The following DSCAM variants were observed in gnomAD, a reference collection of about 807,000 sequenced individuals.
DSCAM encodes the protein cell adhesion molecule DSCAM.
DSCAM carries 47 observed loss-of-function variants against 217.7 expected under a neutral mutation model. The ratio of observed to expected loss-of-function variants is 0.22; its 90% CI spans 0.17 to 0.28. The LOEUF is 0.28. Among genes scored for constraint, DSCAM ranks in the 10% least tolerant of loss-of-function variants. The pLI is 1.00. For missense variants in DSCAM, 2,080 were observed against 2,618.3 expected, an observed-to-expected ratio of 0.79 and a Z score of 4.49; for synonymous variants, 1,056 against 1,015.3, an observed-to-expected ratio of 1.04 and a Z score of -0.76.
chr21:40,397,977 A>C (rs1437664243), intron 3 of DSCAM, among the ~76,000 whole-genome samples: 1 of 152,166 alleles, frequency 6.6e-6, no homozygotes, highest in East Asian at 1.9e-4. Flanking sequence ...CACTAGTTCT[A>C]CCACTACTCT....
chr21:40,091,135 G>T (rs2089603599), intron 21 of DSCAM, among the ~76,000 whole-genome samples: 1 of 152,098 alleles, frequency 6.6e-6, no homozygotes, highest in African/African-American at 2.4e-5. Flanking sequence ...GAGGTAAATG[G>T]CAACTCTCTG....
chr21:40,187,492 A>G (rs1184759927), intron 13 of DSCAM, among the ~76,000 whole-genome samples: 1 of 152,232 alleles, frequency 6.6e-6, no homozygotes, highest in Non-Finnish European at 1.5e-5. Flanking sequence ...CCTGGAGGAT[A>G]TAAAATGTCA....
At chr21:40,663,095 T>A (rs1303966689) in intron 3 of DSCAM, among the ~76,000 whole-genome samples, 1 of 150,774 alleles carries the variant, frequency 6.6e-6, no homozygotes, top group Non-Finnish European at 1.5e-5. Flanking sequence ...GTAGTATGTA[T>A]GTGTGTGGTG....
chr21:40,738,773 G>A (rs573461238), intron 1 of DSCAM, among the ~76,000 whole-genome samples: 1 of 152,330 alleles, frequency 6.6e-6, no homozygotes, highest in African/African-American at 2.4e-5. Context: ...CACACTTGGA[G>A]AAGCAAAGTC....
At chr21:40,132,845 G>A (rs2090167761) in intron 19 of DSCAM, among the ~76,000 whole-genome samples, 1 of 152,154 alleles carries the variant, frequency 6.6e-6, no homozygotes, top group South Asian at 2.1e-4. Flanking sequence ...TGGAATAACA[G>A]CATTTTTGAT....
At chr21:40,392,032 G>A (rs192904415) in intron 3 of DSCAM, among the ~76,000 whole-genome samples, 1 of 152,250 alleles carries the variant, frequency 6.6e-6, no homozygotes, top group East Asian at 1.9e-4. Context: ...TCTTCATAAG[G>A]TAGTTGCCTT....
intron 27 of DSCAM, 81 bp downstream of exon 27, chr21:40,074,954 GTT>G: frequency 1.4e-6 from 2 of 1,451,274 alleles, no homozygotes; most frequent in Non-Finnish European, 1.9e-6. Flanking sequence ...CCCTTTTGAG[GTT>G]TGTTCTCCAG....
At chr21:40,076,303 C>T (rs552327095) in intron 26 of DSCAM, among the ~76,000 whole-genome samples, 1 of 152,050 alleles carries the variant, frequency 6.6e-6, no homozygotes, top group South Asian at 2.1e-4. Context: ...GTCTGCAAAA[C>T]CAAGACAACA....
At chr21:40,674,026 C>T (rs535490742) in intron 3 of DSCAM, among the ~76,000 whole-genome samples, 27 of 152,264 alleles carry the variant, frequency 1.8e-4, no homozygotes, top group African/African-American at 6.5e-4. Context: ...AAAGTGGCCA[C>T]AATCACTTTG....
intron 3 of DSCAM, chr21:40,618,467 G>A (rs928494062): frequency 3.3e-5 from 5 of 152,164 alleles, no homozygotes; most frequent in African/African-American, 1.2e-4. Context: ...TCACCCTGAT[G>A]GCCTGGGAGG....
intron 1 of DSCAM, among the ~76,000 whole-genome samples, chr21:40,746,161 C>G (rs977831362): frequency 6.6e-6 from 1 of 150,950 alleles, no homozygotes; most frequent in African/African-American, 2.4e-5. Context: ...TATAAAACAA[C>G]CAGAAAACAA....
intron 1 of DSCAM, among the ~76,000 whole-genome samples, chr21:40,753,890 C>G (rs2091251424): frequency 6.6e-6 from 1 of 152,206 alleles, no homozygotes; most frequent in Non-Finnish European, 1.5e-5. Flanking sequence ...CAAAAACTTA[C>G]AGTGCAAGGT....
At chr21:40,229,475 A>G (rs538582987) in intron 11 of DSCAM, among the ~76,000 whole-genome samples, 5 of 152,052 alleles carry the variant, frequency 3.3e-5, no homozygotes, top group African/African-American at 1.2e-4. Context: ...AATATCCTCA[A>G]CTCCCTAAAA....
intron 11 of DSCAM, among the ~76,000 whole-genome samples, chr21:40,216,602 G>A (rs1008765800): frequency 1.3e-5 from 2 of 152,196 alleles, no homozygotes; most frequent in East Asian, 1.9e-4. Context: ...AGAACTGTGA[G>A]TATAGGAAAA....
chr21:40,114,915 C>A lies in DSCAM; in HGVS notation c.3696+9280G>T, dbSNP rs568762429. 3.2e-3 allele frequency among the ~76,000 whole-genome samples: 491 copies of A among 152,274 alleles called. 2 individuals are homozygous for A. Among genetic ancestry groups the A allele is most frequent in the African/African-American group, 0.011 (461 of 41,558 alleles). On this transcript the variant is annotated intron_variant, in intron 20 of 32. Coordinates refer to ENST00000400454, the MANE Select transcript of DSCAM (RefSeq NM_001389.5). ...CTATCATTAAAAAGTCAGGAAACAA[C>A]AGGTGTTGGAGAGGATGTGGAGAAA... is the stretch of plus-strand genomic sequence containing the variant.
intron 20 of DSCAM, among the ~76,000 whole-genome samples, chr21:40,123,716 G>A (rs1262179092): frequency 6.7e-6 from 1 of 150,296 alleles, no homozygotes; most frequent in Non-Finnish European, 1.5e-5. Flanking sequence ...ATAGGGTTTT[G>A]CCTGCTATTC....
At chr21:40,339,523 T>A in intron 6 of DSCAM, 108 bp from the exon 7 acceptor site, 1 of 1,156,762 alleles carries the variant, frequency 8.6e-7, no homozygotes, top group Non-Finnish European at 1.2e-6. Flanking sequence ...TGTTAAACAT[T>A]ACCAAAAAGG....
At chr21:40,655,800 T>C (rs577252912) in intron 3 of DSCAM, among the ~76,000 whole-genome samples, 2 of 152,224 alleles carry the variant, frequency 1.3e-5, no homozygotes, top group South Asian at 2.1e-4. Flanking sequence ...ATGCCTATAA[T>C]CCTAGCACTT....
chr21:40,575,139 G>T (rs962591947), intron 3 of DSCAM, among the ~76,000 whole-genome samples: 3 of 151,956 alleles, frequency 2.0e-5, no homozygotes, highest in African/African-American at 7.3e-5. Context: ...CTTAACTGAT[G>T]ACATTACCTT....
Sources: allele counts gnomAD v4.1 joint callset (sites outside exome capture counted in the v4.1 genomes callset), GRCh38; gene constraint gnomAD v4.1.1; transcripts MANE v1.5; gene names NCBI Gene and HGNC (gene_info 2026-07-23, HGNC 2026-07-21).